The following TMEM131 variants were observed in gnomAD, a reference collection of about 807,000 sequenced individuals.
TMEM131 encodes the protein 2610524E03Rik.
In TMEM131, 66 loss-of-function variants were observed where a neutral mutation model predicts 211.6. That is an observed-to-expected ratio of 0.31 (90% CI 0.26 to 0.38). The LOEUF is 0.38. Among genes scored for constraint, TMEM131 ranks in the 10% least tolerant of loss-of-function variants. TMEM131 has a pLI of 1.00. For missense variants in TMEM131, 2,036 were observed against 2,299.3 expected (o/e 0.89, Z 2.34); for synonymous variants, 844 against 841.3 (o/e 1.00, Z -0.06).
chr2:97,886,953 C>G (rs1232134156), intron 4 of TMEM131, among the ~76,000 whole-genome samples: 1 of 152,198 alleles, frequency 6.6e-6, no homozygotes, highest in African/African-American at 2.4e-5. Context: ...GGCTGCTCAG[C>G]TGAACTGGGA....
At chr2:97,769,897 C>T (rs987535162) in intron 33 of TMEM131, among the ~76,000 whole-genome samples, 1 of 152,202 alleles carries the variant, frequency 6.6e-6, no homozygotes, top group Non-Finnish European at 1.5e-5. Context: ...TGCTGCAGCC[C>T]CACCCTCCTA....
At chr2:97,894,396 G>GT (rs1354878317) in intron 3 of TMEM131, among the ~76,000 whole-genome samples, 2 of 152,126 alleles carry the variant, frequency 1.3e-5, no homozygotes, top group Admixed American at 6.5e-5. Flanking sequence ...GTTTAAAGTA[G>GT]TTTTTTTCAA....
intron 39 of TMEM131, 91 bp from the exon 40 acceptor site, chr2:97,759,144 C>A: frequency 6.6e-7 from 1 of 1,515,694 alleles, no homozygotes; most frequent in Non-Finnish European, 9.0e-7. Flanking sequence ...ATACCTCCAA[C>A]CACTGCTCCT....
intron 29 of TMEM131, among the ~76,000 whole-genome samples, chr2:97,794,168 G>A (rs972002113): frequency 6.6e-6 from 1 of 151,726 alleles, no homozygotes; most frequent in Non-Finnish European, 1.5e-5. Context: ...CCCAGTAGCT[G>A]GGATTATAGG....
chr2:97,969,441 C>T (rs1306179628), intron 1 of TMEM131, among the ~76,000 whole-genome samples: 2 of 152,180 alleles, frequency 1.3e-5, no homozygotes, highest in Non-Finnish European at 2.9e-5. Context: ...CTTTCCTTCT[C>T]TAACTCTCTG....
In TMEM131 at chr2:97,995,680, C is replaced by T. The variant is rs1327476585; in HGVS notation, c.-18G>A. 5 of 1,197,576 alleles carry T rather than the reference C, an allele frequency of 4.2e-6. No homozygotes were observed. The African/African-American group carries it at 6.4e-5, about 15-fold the overall frequency. The allele number at this position is 1,197,576 out of a possible 1,614,324, so 74.2% of individuals were successfully genotyped here. A position where few individuals can be genotyped will look rare whatever the true frequency, so the allele number is the denominator to read the frequency against. On this transcript the variant is annotated 5_prime_UTR_variant, in exon 1 of 41. Coordinates refer to ENST00000186436, the MANE Select transcript of TMEM131 (RefSeq NM_015348.2). Reference sequence around the variant, plus strand: ...TTCCCCATCCCTGCCGGCCGGGGGCCGCCGCGCTCGAGGTCCGGCGCGGCC... The same window carrying T: ...TTCCCCATCCCTGCCGGCCGGGGGCTGCCGCGCTCGAGGTCCGGCGCGGCC...
intron 4 of TMEM131, among the ~76,000 whole-genome samples, chr2:97,886,614 G>A (rs1675170109): frequency 6.6e-6 from 1 of 152,190 alleles, no homozygotes; most frequent in African/African-American, 2.4e-5. Flanking sequence ...CAGCTTTGTT[G>A]AGGGTGGGCT....
intron 1 of TMEM131, among the ~76,000 whole-genome samples, chr2:97,948,102 T>C (rs1388942118): frequency 6.6e-6 from 1 of 152,052 alleles, no homozygotes; most frequent in African/African-American, 2.4e-5. Flanking sequence ...CACGGGAAAA[T>C]TTTAGTGATC....
At chr2:97,819,873 T>TA (rs1198299469) in intron 11 of TMEM131, among the ~76,000 whole-genome samples, 2 of 152,224 alleles carry the variant, frequency 1.3e-5, no homozygotes, top group Admixed American at 6.5e-5. Flanking sequence ...CGCCCGTTTA[T>TA]AAAGGTGAAA....
At chr2:97,995,430 G>A in intron 1 of TMEM131, 46 bp downstream of exon 1, 1 of 1,317,626 alleles carries the variant, frequency 7.6e-7, no homozygotes, top group South Asian at 2.1e-5. Flanking sequence ...CTCCGCGAGA[G>A]CGGGGTGACA....
chr2:97,962,255 G>A (rs1678850525), intron 1 of TMEM131, among the ~76,000 whole-genome samples: 1 of 152,316 alleles, frequency 6.6e-6, no homozygotes, highest in East Asian at 1.9e-4. Flanking sequence ...TGTAATCCCA[G>A]CACTTTGGGA....
chr2:97,805,286 A>C, intron 21 of TMEM131, 81 bp from the exon 22 acceptor site: 1 of 1,556,458 alleles, frequency 6.4e-7, no homozygotes. Context: ...GTAACAAAAG[A>C]CAGCAATGTA....
chr2:97,799,548 A>T (rs1170241310), intron 25 of TMEM131, among the ~76,000 whole-genome samples: 2 of 152,362 alleles, frequency 1.3e-5, no homozygotes, highest in East Asian at 1.9e-4. Flanking sequence ...ATTTGTTTCT[A>T]ATAAAATTCA....
At chr2:97,822,625 C>A (rs563913897) in intron 11 of TMEM131, among the ~76,000 whole-genome samples, 1 of 152,044 alleles carries the variant, frequency 6.6e-6, no homozygotes, top group East Asian at 1.9e-4. Flanking sequence ...TGCAGGTTTT[C>A]GAGAATGTGT....
In TMEM131 at chr2:97,795,079, C is replaced by A. The variant is rs760951511; in HGVS notation, c.3237G>T (p.Arg1079=). The A allele has an allele frequency of 2.5e-6, 4 of 1,613,462 alleles. No homozygotes were observed. Among genetic ancestry groups the A allele is most frequent in the African/African-American group, 2.7e-5 (2 of 74,876 alleles). ...CACTGGTTGTTATAAACTTCAGTTCCCGAATAACTCTAGAAGCTGTAAAAT... is the reference window on the plus strand; with the variant it reads ...CACTGGTTGTTATAAACTTCAGTTCACGAATAACTCTAGAAGCTGTAAAAT... ...TPDFTASRVI[R]ELKFITTSGS... The change falls in exon 29 of 41, where the codon CGG becomes CGT. Residue 1079 remains arginine, a synonymous_variant. Transcript: ENST00000186436.
chr2:97,943,046 AAAGAAAGAAAGAAAG>A (rs1559464515), intron 1 of TMEM131, among the ~76,000 whole-genome samples: 4,117 of 100,424 alleles, frequency 0.041, 183 homozygotes, highest in African/African-American at 0.08. Context: ...GAAAAGAAAG[AAAGAAAGAAAGAAAG>A]AAAGAAAGAA....
intron 31 of TMEM131, 145 bp from the exon 32 acceptor site, chr2:97,776,163 C>G (rs1156306799): frequency 1.2e-5 from 9 of 751,608 alleles, no homozygotes. Flanking sequence ...ACACCATTCT[C>G]CTGCCTCAGC....
intron 4 of TMEM131, among the ~76,000 whole-genome samples, chr2:97,883,007 TG>T (rs1674999216): frequency 6.6e-6 from 1 of 152,188 alleles, no homozygotes; most frequent in African/African-American, 2.4e-5. Flanking sequence ...TCGGCATGGT[TG>T]GGTTCTGGTG....
intron 4 of TMEM131, among the ~76,000 whole-genome samples, chr2:97,880,535 G>A (rs1363912123): frequency 6.6e-6 from 1 of 152,156 alleles, no homozygotes; most frequent in Non-Finnish European, 1.5e-5. Flanking sequence ...ATTCCTTCCT[G>A]GAATGGATTT....
Sources: gnomAD v4.1 joint callset for allele counts (sites outside exome capture counted in the v4.1 genomes callset) on GRCh38, gnomAD v4.1.1 for gene constraint, MANE v1.5 for transcripts, NCBI Gene and HGNC (gene_info 2026-07-23, HGNC 2026-07-21) for gene names.